The following SLC25A29 variants were observed in gnomAD, a reference collection of about 807,000 sequenced individuals.
The protein encoded by SLC25A29 is mitochondrial basic amino acids transporter.
In SLC25A29, 13 loss-of-function variants were observed where a neutral mutation model predicts 10.0. That is an observed-to-expected ratio of 1.30 (90% CI 0.85 to 2.07). The LOEUF is 2.07. Ranked by LOEUF, SLC25A29 falls within the 30% of genes most tolerant of loss-of-function variation. The pLI is 0.00. For missense variants in SLC25A29, 475 were observed against 447.6 expected (o/e 1.06, Z -0.55); for synonymous variants, 244 against 221.1 (o/e 1.10, Z -0.92).
chr14:100,281,818 C>T, the SLC25A29 span: 1 of 152,206 alleles, frequency 6.6e-6, no homozygotes, highest in Non-Finnish European at 1.5e-5. Flanking sequence ...GCAGGCCCTT[C>T]AGACAAGTCA....
chr14:100,293,554 GGGT>G, intron 2 of SLC25A29, 177 bp from the exon 3 acceptor site: 1 of 604,354 alleles, frequency 1.7e-6, no homozygotes, highest in South Asian at 2.0e-5. Context: ...TCTCAGGATG[GGGT>G]GCCAGTAGGC....
At chr14:100,294,117 TAAATAA>T (rs1891977801) in intron 2 of SLC25A29, 1 of 152,108 alleles carries the variant, frequency 6.6e-6, no homozygotes, top group African/African-American at 2.4e-5. Flanking sequence ...AATAAATAAA[TAAATAA>T]AAATAAAAGC....
At chr14:100,298,419 G>A (rs117161983) in intron 2 of SLC25A29, among the ~76,000 whole-genome samples, 3,717 of 152,292 alleles carry the variant, frequency 0.024, 58 homozygotes, top group Middle Eastern at 0.048. Context: ...CCTCTGGCAC[G>A]TGGGAAACCA....
Position 100,295,717 on chromosome 14 carries a change from C to T in SLC25A29, c.79-2340G>A, listed in dbSNP as rs773869876. The T allele has an allele frequency of 3.6e-5, 47 of 1,289,420 alleles. 1 individual carries two copies. Among genetic ancestry groups the T allele is most frequent in the South Asian group, 3.1e-4 (25 of 81,038 alleles). The allele number at this position is 1,289,420 out of a possible 1,614,324, so 79.9% of individuals were successfully genotyped here. On this transcript the variant is annotated intron_variant, in intron 2 of 3. Coordinates refer to ENST00000359232, the MANE Select transcript of SLC25A29 (RefSeq NM_001039355.3). ...CAGCCCCTAGCTCAGAAAGTAAAGG[C>T]GGTTAAAGCAACACAAAATTTCAAC...
chr14:100,281,854 T>C, the SLC25A29 span: 1 of 152,168 alleles, frequency 6.6e-6, no homozygotes. Context: ...GGCTGGCCTC[T>C]GACCCACAAG....
At chr14:100,305,983 G>T (rs900985668) in intron 1 of SLC25A29, among the ~76,000 whole-genome samples, 1 of 152,158 alleles carries the variant, frequency 6.6e-6, no homozygotes, top group Non-Finnish European at 1.5e-5. Context: ...GTCCGAGCGT[G>T]CCCAGAGAGA....
intron 1 of SLC25A29, chr14:100,299,968 A>C (rs1301095940): frequency 2.0e-6 from 2 of 985,316 alleles, no homozygotes; most frequent in East Asian, 2.3e-4. Context: ...CATCCTATCC[A>C]TCCTTTAATA....
At chr14:100,294,270 C>T (rs1311089888) in intron 2 of SLC25A29, 1 of 152,284 alleles carries the variant, frequency 6.6e-6, no homozygotes, top group South Asian at 2.1e-4. Flanking sequence ...AGCTCTGGGG[C>T]CTGGGGCGCT....
At chr14:100,300,498 T>A (rs1393030704) in intron 1 of SLC25A29, among the ~76,000 whole-genome samples, 1 of 152,174 alleles carries the variant, frequency 6.6e-6, no homozygotes, top group Admixed American at 6.5e-5. Context: ...CCCTCCTGCC[T>A]TAGCCTCCCA....
rs1891761222 is a variant in SLC25A29, at chr14:100,292,316, C to T, written c.879G>A (p.Ala293=). The change falls in exon 4 of 4, where the codon GCG becomes GCA. Residue 293 remains alanine (A), a synonymous_variant. Coordinates refer to ENST00000359232, the MANE Select transcript of SLC25A29 (RefSeq NM_001039355.3). ...PEGEAVPAAP[A]GPALAQPSSL ...TGGAGGGCTGCGCCAGGGCAGGCCC[C>T]GCAGGGGCGGCGGGCACAGCCTCGC... The T allele has an allele frequency of 6.6e-7, 1 of 1,512,116 alleles. No homozygotes were observed. Among genetic ancestry groups the T allele is most frequent in the South Asian group, 1.2e-5 (1 of 80,826 alleles). The allele number at this position is 1,512,116 out of a possible 1,614,324, so 93.7% of individuals were successfully genotyped here.
chr14:100,293,407 G>T (rs1197434672), intron 2 of SLC25A29, 30 bp from the exon 3 acceptor site: 3 of 1,604,272 alleles, frequency 1.9e-6, no homozygotes, highest in Non-Finnish European at 2.6e-6. Flanking sequence ...TGAGAGGCAG[G>T]CAGGCAGGAC....
intron 1 of SLC25A29, 68 bp downstream of exon 1, chr14:100,306,131 G>A (rs1892929451): frequency 7.4e-6 from 9 of 1,208,060 alleles, no homozygotes; most frequent in South Asian, 3.3e-5. Context: ...AGGCCAGGGC[G>A]TGCTGGTGGG....
chr14:100,306,243 C>T lies in SLC25A29; in HGVS notation c.-11G>A. The T allele has an allele frequency of 6.7e-7, 1 of 1,486,752 alleles. No homozygotes were observed. Among genetic ancestry groups the T allele is most frequent in the Non-Finnish European group, 8.9e-7 (1 of 1,122,010 alleles). The allele number at this position is 1,486,752 out of a possible 1,614,324, so 92.1% of individuals were successfully genotyped here. On this transcript the variant is annotated 5_prime_UTR_variant, in exon 1 of 4. Coordinates refer to ENST00000359232, the MANE Select transcript of SLC25A29 (RefSeq NM_001039355.3). ...GAAGTCCAGCGCCATGGCCGGGTCC[C>T]CGGCGAGGCCGCCTTTCCTCCTCGT...
chr14:100,293,556 G>T (rs1891931655), intron 2 of SLC25A29, 179 bp from the exon 3 acceptor site: 1 of 601,654 alleles, frequency 1.7e-6, no homozygotes, highest in South Asian at 2.0e-5. Flanking sequence ...TCAGGATGGG[G>T]TGCCAGTAGG....
In SLC25A29 at chr14:100,293,273, C is replaced by T. The variant is rs757132524; in HGVS notation, c.162+21G>A. On this transcript the variant is annotated intron_variant, in intron 3 of 3. Coordinates refer to ENST00000359232, the MANE Select transcript of SLC25A29 (RefSeq NM_001039355.3). ...TTCCCCATCCTGTGCCTCCCGAGCC[C>T]CACCAGCCCAGGCCACTCACGCTCT... is the stretch of plus-strand genomic sequence containing the variant. The T allele has an allele frequency of 9.9e-6, 16 of 1,611,768 alleles. 1 individual carries two copies. In the South Asian group the frequency reaches 1.7e-4, roughly 17 times the overall value.
the SLC25A29 span, chr14:100,279,622 G>T: frequency 6.6e-6 from 1 of 152,242 alleles, no homozygotes; most frequent in African/African-American, 2.4e-5. Context: ...CAGTGCCGAG[G>T]GCTCGGATGA....
chr14:100,300,274 GA>G (rs71113259), intron 1 of SLC25A29, among the ~76,000 whole-genome samples: 6 of 151,736 alleles, frequency 4.0e-5, no homozygotes, highest in East Asian at 1.9e-4. Context: ...GTTTCAAAAA[GA>G]AAAAAAAGTT....
chr14:100,293,672 T>C (rs1393083068), intron 2 of SLC25A29: 4 of 358,534 alleles, frequency 1.1e-5, no homozygotes, highest in Non-Finnish European at 2.1e-5. Context: ...CACAGTGCAC[T>C]GCCAGTGGGG....
the SLC25A29 span, among the ~76,000 whole-genome samples, chr14:100,285,797 G>T: frequency 6.6e-6 from 1 of 152,132 alleles, no homozygotes. Context: ...AGCTAAGCAA[G>T]GCCCTGGGAC....
Sources: gnomAD v4.1 joint callset for allele counts (sites outside exome capture counted in the v4.1 genomes callset) on GRCh38, gnomAD v4.1.1 for gene constraint, MANE v1.5 for transcripts, NCBI Gene and HGNC (gene_info 2026-07-23, HGNC 2026-07-21) for gene names.